Variants in NAA25 observed in about 807,000 individuals in gnomAD.
NAA25 encodes the protein N-alpha-acetyltransferase 25, NatB auxiliary subunit, also known as N-terminal acetyltransferase B complex subunit NAA25.
Under a neutral mutation model 132.5 loss-of-function variants are expected in NAA25, and 30 were observed. The observed-to-expected ratio is 0.23, with a 90% confidence interval of 0.17 to 0.31. The LOEUF is 0.31. NAA25 is among the 10% of genes least tolerant of loss of function. The pLI, the probability that NAA25 is intolerant of heterozygous loss-of-function variation, is 1.00. For synonymous variants in NAA25, 359 were observed against 401.9 expected (o/e 0.89, Z 1.28); for missense variants, 771 against 1,150.4 (o/e 0.67, Z 4.77).
chr12:112,072,151 G>C, intron 9 of NAA25, 87 bp from the exon 10 acceptor site: 208 of 640,604 alleles, frequency 3.2e-4, no homozygotes, highest in East Asian at 6.0e-4. Context: ...TTTAAAAAGA[G>C]AAAAACGACT....
chr12:112,043,942 T>C (rs961537060), intron 17 of NAA25, 74 bp from the exon 18 acceptor site: 1 of 1,495,798 alleles, frequency 6.7e-7, no homozygotes, highest in African/African-American at 1.4e-5. Flanking sequence ...TTTTTTTTTT[T>C]TTTGAGACAG....
At chr12:112,070,900 C>T (rs1439607709) in intron 10 of NAA25, among the ~76,000 whole-genome samples, 1 of 152,170 alleles carries the variant, frequency 6.6e-6, no homozygotes, top group Non-Finnish European at 1.5e-5. Context: ...GCGTGTGCCA[C>T]CATGCCTGGC....
At chr12:112,060,443 A>C (rs914648461) in intron 12 of NAA25, 84 bp from the exon 13 acceptor site, 14 of 852,772 alleles carry the variant, frequency 1.6e-5, no homozygotes, top group Non-Finnish European at 2.3e-5. Flanking sequence ...CAGGAAAGTG[A>C]CAGGAGGGAG....
At chr12:112,060,559 C>G (rs2078612901) in intron 12 of NAA25, among the ~76,000 whole-genome samples, 200 bp from the exon 13 acceptor site, 1 of 152,116 alleles carries the variant, frequency 6.6e-6, no homozygotes, top group African/African-American at 2.4e-5. Context: ...TCAGCTGGAA[C>G]AGAAGGTAGG....
At chr12:112,082,916 G>C (rs371164243) in intron 4 of NAA25, among the ~76,000 whole-genome samples, 8 of 152,116 alleles carry the variant, frequency 5.3e-5, no homozygotes, top group African/African-American at 1.9e-4. Context: ...AGAAAGTAAA[G>C]GGATGTATGC....
intron 1 of NAA25, among the ~76,000 whole-genome samples, chr12:112,103,222 A>G (rs2079320109): frequency 6.6e-6 from 1 of 152,150 alleles, no homozygotes; most frequent in South Asian, 2.1e-4. Flanking sequence ...CCTGGCCTCA[A>G]GCAACCCACC....
intron 13 of NAA25, among the ~76,000 whole-genome samples, chr12:112,055,719 G>GA (rs1192938515): frequency 6.2e-4 from 79 of 127,536 alleles, no homozygotes; most frequent in East Asian, 1.1e-3. Context: ...AATAGAAAAG[G>GA]AAAAAAAAAA....
chr12:112,087,626 A>G (rs2079074748), intron 4 of NAA25, 57 bp downstream of exon 4: 1 of 1,200,244 alleles, frequency 8.3e-7, no homozygotes. Context: ...CACAAGAAAG[A>G]GACTTTTGCC....
intron 11 of NAA25, among the ~76,000 whole-genome samples, chr12:112,061,592 A>G (rs563834208): frequency 6.6e-6 from 1 of 152,350 alleles, no homozygotes; most frequent in Admixed American, 6.5e-5. Flanking sequence ...AGCTCCAATG[A>G]AACTGGCACA....
At chr12:112,037,380 A>C (rs1253639259) in intron 22 of NAA25, among the ~76,000 whole-genome samples, 1 of 142,650 alleles carries the variant, frequency 7.0e-6, no homozygotes, top group Non-Finnish European at 1.5e-5. Context: ...TATTTTACAA[A>C]ATAATAGCAG....
chr12:112,070,461 A>C (rs992453018), intron 10 of NAA25, among the ~76,000 whole-genome samples: 57 of 152,224 alleles, frequency 3.7e-4, no homozygotes, highest in African/African-American at 1.4e-3. Flanking sequence ...TGAGTGCTTC[A>C]AGCAGATTTT....
intron 3 of NAA25, among the ~76,000 whole-genome samples, chr12:112,088,233 G>C (rs1451207557): frequency 1.3e-5 from 2 of 150,388 alleles, no homozygotes; most frequent in African/African-American, 2.4e-5. Context: ...GACTTTCTCT[G>C]AACACCATCT....
intron 22 of NAA25, chr12:112,035,512 CTTGT>C (rs2078212428): frequency 6.6e-6 from 1 of 152,036 alleles, no homozygotes; most frequent in East Asian, 1.9e-4. Context: ...TGTTCTTGTT[CTTGT>C]TTAATTCTCC....
intron 4 of NAA25, among the ~76,000 whole-genome samples, chr12:112,083,901 A>T (rs925310261): frequency 1.2e-4 from 19 of 152,214 alleles, no homozygotes; most frequent in African/African-American, 4.6e-4. Context: ...AAAAATAAAT[A>T]AAAGTTAGGA....
intron 11 of NAA25, among the ~76,000 whole-genome samples, chr12:112,062,117 C>T (rs2078638763): frequency 6.6e-6 from 1 of 152,130 alleles, no homozygotes; most frequent in Non-Finnish European, 1.5e-5. Context: ...AAAGAAGAGG[C>T]TGGGTGCAGT....
At chr12:112,047,318 G>A (rs548558345) in intron 17 of NAA25, among the ~76,000 whole-genome samples, 4 of 144,944 alleles carry the variant, frequency 2.8e-5, no homozygotes, top group South Asian at 2.2e-4. Context: ...TGCAACCTCC[G>A]CTCCCTGGGT....
chr12:112,033,225 T>A lies in NAA25; in HGVS notation c.2796+8A>T, dbSNP rs2078174116. 3.1e-6 allele frequency: 5 copies of A among 1,601,176 alleles called. No individual in the cohort carries two copies. The East Asian group carries it at 1.1e-4, about 36-fold the overall frequency. On this transcript the variant is annotated splice_region_variant and intron_variant, in intron 23 of 23. Coordinates refer to ENST00000261745, the MANE Select transcript of NAA25 (RefSeq NM_024953.4). Reference sequence around the variant, plus strand: ...AGAAAACATTGCCGATTGCCTACAATCTCTTACCGGTGAGAGAGAAGTGTC... The same window carrying A: ...AGAAAACATTGCCGATTGCCTACAAACTCTTACCGGTGAGAGAGAAGTGTC...
chr12:112,064,653 C>T (rs543347742), intron 11 of NAA25, among the ~76,000 whole-genome samples: 48 of 152,210 alleles, frequency 3.2e-4, no homozygotes, highest in Non-Finnish European at 6.5e-4. Flanking sequence ...AAAGAAACAT[C>T]TTCCTGACAA....
chr12:112,086,860 A>G (rs1252785186), intron 4 of NAA25, among the ~76,000 whole-genome samples: 1 of 150,538 alleles, frequency 6.6e-6, no homozygotes, highest in African/African-American at 2.5e-5. Flanking sequence ...AAAAATACAA[A>G]ATTAGCCAGG....
Sources: gnomAD v4.1 joint callset for allele counts (sites outside exome capture counted in the v4.1 genomes callset) on GRCh38, gnomAD v4.1.1 for gene constraint, MANE v1.5 for transcripts, NCBI Gene and HGNC (gene_info 2026-07-23, HGNC 2026-07-21) for gene names.